CECR2: variants seen among roughly 807,000 people sequenced by gnomAD.
CECR2 encodes chromatin remodeling regulator CECR2.
In CECR2, 30 loss-of-function variants were observed where a neutral mutation model predicts 154.5. The ratio of observed to expected loss-of-function variants is 0.19; its 90% CI spans 0.15 to 0.26. The LOEUF is 0.26. CECR2 is among the 10% of genes least tolerant of loss of function. The pLI is 1.00. For missense variants in CECR2, 1,743 were observed against 1,829.3 expected, an observed-to-expected ratio of 0.95 and a Z score of 0.86; for synonymous variants, 725 against 683.7, an observed-to-expected ratio of 1.06 and a Z score of -0.94.
chr22:17,491,591 G>A (rs2055533364), intron 2 of CECR2, among the ~76,000 whole-genome samples: 2 of 111,356 alleles, frequency 1.8e-5, no homozygotes, highest in Non-Finnish European at 3.7e-5. Flanking sequence ...GTGGGGGGGT[G>A]GGTGTTTAGC....
chr22:17,391,727 T>A (rs986264611), intron 1 of CECR2, among the ~76,000 whole-genome samples: 1 of 152,262 alleles, frequency 6.6e-6, no homozygotes, highest in African/African-American at 2.4e-5. Flanking sequence ...TATTTTGAAA[T>A]CAAAGTATAA....
At chr22:17,527,324 T>G (rs1236612066) in intron 9 of CECR2, among the ~76,000 whole-genome samples, 1 of 151,832 alleles carries the variant, frequency 6.6e-6, no homozygotes, top group Non-Finnish European at 1.5e-5. Flanking sequence ...CGAGCATGGT[T>G]GTTCATACCT....
chr22:17,477,428 C>T (rs926026969), intron 1 of CECR2, among the ~76,000 whole-genome samples, 160 bp from the exon 2 acceptor site: 2 of 152,166 alleles, frequency 1.3e-5, no homozygotes, highest in Non-Finnish European at 2.9e-5. Flanking sequence ...TCCGGTTGCT[C>T]TTCTCACAGT....
At chr22:17,370,106 C>T (rs1370721666) in intron 1 of CECR2, among the ~76,000 whole-genome samples, 197 bp downstream of exon 1, 1 of 150,542 alleles carries the variant, frequency 6.6e-6, no homozygotes, top group African/African-American at 2.4e-5. Context: ...CGAGGGGCGT[C>T]GGGCCGGGGA....
In CECR2 at chr22:17,548,621, A is replaced by G; in HGVS notation, c.3334A>G (p.Thr1112Ala). The G allele has an allele frequency of 1.2e-6, 2 of 1,613,278 alleles. No individual in the cohort carries two copies. Among genetic ancestry groups the G allele is most frequent in the South Asian group, 2.2e-5 (2 of 90,924 alleles). ...PSTDPGLTGG[T>A]VSQFPPLYMP... ...CACAGACCCCGGTTTGACGGGAGGC[A>G]CTGTGAGCCAGTTTCCCCCGCTGTA... The change falls in exon 17 of 19, where the codon ACT (threonine) becomes GCT (alanine). Residue 1112 changes from threonine to alanine, a missense_variant. Thr to Ala is a moderately conservative substitution (Grantham distance 58). This residue lies in a region of CECR2 where 1,250 missense variants were observed against 1,192.1 expected (regional missense o/e 1.05). Coordinates refer to ENST00000262608, the MANE Select transcript of CECR2 (RefSeq NM_001290047.2).
At chr22:17,492,641 GGAAAATGAATGC>G (rs1230825925) in intron 2 of CECR2, among the ~76,000 whole-genome samples, 1 of 152,136 alleles carries the variant, frequency 6.6e-6, no homozygotes, top group African/African-American at 2.4e-5. Flanking sequence ...TTTGTAGGAT[GGAAAATGAATGC>G]GAAAATGGGT....
intron 18 of CECR2, 144 bp from the exon 19 acceptor site, chr22:17,552,691 C>G (rs2056725710): frequency 1.3e-6 from 1 of 771,566 alleles, no homozygotes; most frequent in African/African-American, 1.8e-5. Flanking sequence ...AGAACCTACC[C>G]TCTGGAAGTA....
At chr22:17,542,125 T>C (rs908145706) in intron 15 of CECR2, 32 bp from the exon 16 acceptor site, 10 of 1,598,470 alleles carry the variant, frequency 6.3e-6, no homozygotes, top group Non-Finnish European at 8.5e-6. Context: ...ATTCTGTGAG[T>C]CTGTAACTGT....
intron 4 of CECR2, among the ~76,000 whole-genome samples, chr22:17,499,986 C>T (rs2055705671): frequency 6.6e-6 from 1 of 151,758 alleles, no homozygotes; most frequent in Non-Finnish European, 1.5e-5. Context: ...CCGAGGCGGG[C>T]GGATCACGAG....
chr22:17,371,552 CAGTT>C (rs1291786878), intron 1 of CECR2, among the ~76,000 whole-genome samples: 1 of 152,192 alleles, frequency 6.6e-6, no homozygotes, highest in Non-Finnish European at 1.5e-5. Context: ...GGATGTTTCT[CAGTT>C]ACTCTGATGT....
chr22:17,443,154 T>C (rs5746384), intron 1 of CECR2, among the ~76,000 whole-genome samples: 46,841 of 152,012 alleles, frequency 0.31, 10,681 homozygotes, highest in African/African-American at 0.61. Context: ...CAAACGAAAC[T>C]TCTCAGCAGC....
At chr22:17,418,013 T>C (rs2054180980) in intron 1 of CECR2, among the ~76,000 whole-genome samples, 1 of 152,188 alleles carries the variant, frequency 6.6e-6, no homozygotes, top group Admixed American at 6.5e-5. Context: ...CAATCATCTT[T>C]GAGGTATAAT....
At chr22:17,537,559 G>C (rs1389347367) in intron 10 of CECR2, among the ~76,000 whole-genome samples, 3 of 152,132 alleles carry the variant, frequency 2.0e-5, no homozygotes, top group African/African-American at 7.2e-5. Flanking sequence ...TACTTCCCGT[G>C]ACAGTACTAG....
intron 1 of CECR2, among the ~76,000 whole-genome samples, chr22:17,376,556 T>C (rs1450940808): frequency 1.3e-5 from 2 of 151,834 alleles, no homozygotes; most frequent in Non-Finnish European, 2.9e-5. Context: ...TAGGTAAAAA[T>C]GTGGTGTGTG....
intron 1 of CECR2, among the ~76,000 whole-genome samples, chr22:17,362,671 A>T (rs1455029415): frequency 6.6e-6 from 1 of 152,060 alleles, no homozygotes; most frequent in East Asian, 1.9e-4. Context: ...TGGGAGGCCA[A>T]CAGGGGTGGA....
intron 6 of CECR2, among the ~76,000 whole-genome samples, chr22:17,504,010 G>T (rs986054122): frequency 6.6e-6 from 1 of 150,618 alleles, no homozygotes; most frequent in African/African-American, 2.5e-5. Flanking sequence ...TGGTGCCCCT[G>T]AACTCCGGCC....
chr22:17,413,878 CATGGT>C (rs2054105361), intron 1 of CECR2, among the ~76,000 whole-genome samples: 1 of 149,120 alleles, frequency 6.7e-6, no homozygotes, highest in Non-Finnish European at 1.5e-5. Context: ...AGGGTTTCAC[CATGGT>C]AGCCAGGATG....
At chr22:17,423,191 C>G (rs1321288467) in intron 1 of CECR2, among the ~76,000 whole-genome samples, 1 of 152,078 alleles carries the variant, frequency 6.6e-6, no homozygotes, top group African/African-American at 2.4e-5. Context: ...AGGTCTCAGC[C>G]TTTTAGTGAG....
intron 2 of CECR2, among the ~76,000 whole-genome samples, chr22:17,491,010 AGAGTT>A (rs2055519867): frequency 2.0e-5 from 3 of 152,250 alleles, no homozygotes; most frequent in Non-Finnish European, 4.4e-5. Flanking sequence ...TTTTTCACTT[AGAGTT>A]ATTTTTCAAG....
Sources: gnomAD v4.1 joint callset for allele counts (sites outside exome capture counted in the v4.1 genomes callset) on GRCh38, gnomAD v4.1.1 for gene constraint, gnomAD v4.1.1 regional missense constraint, MANE v1.5 for transcripts, NCBI Gene and HGNC (gene_info 2026-07-23, HGNC 2026-07-21) for gene names.